ROBO1: variants seen among roughly 807,000 people sequenced by gnomAD.
The protein encoded by ROBO1 is roundabout homolog 1.
In ROBO1, 149 loss-of-function variants were observed where a neutral mutation model predicts 195.9. The observed-to-expected ratio is 0.76, with a 90% CI of 0.67 to 0.87. The LOEUF is 0.87. ROBO1 is among the 40% of genes least tolerant of loss of function. The pLI is 0.00. For missense variants in ROBO1, 1,933 were observed against 2,068.3 expected, an observed-to-expected ratio of 0.93 and a Z score of 1.27; for synonymous variants, 816 against 733.2, an observed-to-expected ratio of 1.11 and a Z score of -1.82.
intron 2 of ROBO1, among the ~76,000 whole-genome samples, chr3:79,466,988 C>T (rs542318502): frequency 6.6e-6 from 1 of 152,188 alleles, no homozygotes; most frequent in African/African-American, 2.4e-5. Context: ...TAAAAAAGAA[C>T]ACAAAATGAA....
intron 3 of ROBO1, among the ~76,000 whole-genome samples, chr3:78,964,839 T>C (rs374884209): frequency 1.3e-5 from 2 of 151,222 alleles, no homozygotes; most frequent in African/African-American, 4.9e-5. Context: ...CTGTGTTTCA[T>C]TTGAAACCTT....
At chr3:79,466,155 T>C (rs949122669) in intron 2 of ROBO1, among the ~76,000 whole-genome samples, 3 of 152,150 alleles carry the variant, frequency 2.0e-5, no homozygotes, top group Non-Finnish European at 2.9e-5. Context: ...GATATGAATG[T>C]ATATTTGACA....
At chr3:78,793,309 G>A (rs924842486) in intron 4 of ROBO1, among the ~76,000 whole-genome samples, 2 of 152,056 alleles carry the variant, frequency 1.3e-5, no homozygotes, top group Non-Finnish European at 2.9e-5. Context: ...AGAATGCATA[G>A]CAGAATCTCC....
chr3:78,898,589 C>G (rs2037398483), intron 4 of ROBO1, among the ~76,000 whole-genome samples: 1 of 151,450 alleles, frequency 6.6e-6, no homozygotes, highest in Admixed American at 6.6e-5. Context: ...CGGGGTTTCA[C>G]CGTGTTAGCC....
intron 1 of ROBO1, among the ~76,000 whole-genome samples, chr3:79,661,712 C>T (rs1240800420): frequency 4.6e-5 from 7 of 151,868 alleles, no homozygotes; most frequent in Admixed American, 4.6e-4. Flanking sequence ...AATATCCTAC[C>T]ATAAAATTGC....
At chr3:79,591,167 A>C (rs2107823422) in intron 1 of ROBO1, among the ~76,000 whole-genome samples, 1 of 151,942 alleles carries the variant, frequency 6.6e-6, no homozygotes, top group South Asian at 2.1e-4. Flanking sequence ...AGATAAACAA[A>C]CCTAGTACTA....
chr3:78,866,938 G>A (rs1294344878), intron 4 of ROBO1, among the ~76,000 whole-genome samples: 1 of 152,166 alleles, frequency 6.6e-6, no homozygotes, highest in Non-Finnish European at 1.5e-5. Context: ...GTTTTAGACT[G>A]TAATAGATCC....
intron 8 of ROBO1, among the ~76,000 whole-genome samples, chr3:78,711,361 TCCTTCCTTCCTTC>T (rs2081707491): frequency 9.9e-5 from 4 of 40,288 alleles, no homozygotes; most frequent in African/African-American, 3.9e-4. Context: ...CTTCCTTCCT[TCCTTCCTTCCTTC>T]CTTCCTTCCT....
rs142829358 is a variant in ROBO1 at position 79,715,324 on chromosome 3, C to G, written c.-51+52428G>C. 3.2e-4 allele frequency among the ~76,000 whole-genome samples: 48 copies of G among 152,134 alleles called. No homozygotes were observed. In the South Asian group the frequency reaches 4.6e-3, roughly 14 times the overall value. On this transcript the variant is annotated intron_variant, in intron 1 of 30. Coordinates refer to ENST00000464233, the MANE Select transcript of ROBO1 (RefSeq NM_002941.4). The stretch of plus-strand genomic sequence containing the variant: ...GAAATGTTTTTGTGAAAGGAAGAGC[C>G]AATCAATGCAGCAAACCTCATTGTT...
At chr3:78,966,030 C>T (rs1441373908) in intron 3 of ROBO1, among the ~76,000 whole-genome samples, 1 of 152,158 alleles carries the variant, frequency 6.6e-6, no homozygotes, top group Non-Finnish European at 1.5e-5. Flanking sequence ...CGGCATTAGC[C>T]CCTGAGCTCC....
At chr3:79,215,469 C>T (rs1206947729) in intron 2 of ROBO1, among the ~76,000 whole-genome samples, 1 of 152,126 alleles carries the variant, frequency 6.6e-6, no homozygotes, top group African/African-American at 2.4e-5. Flanking sequence ...TCCGACCCAA[C>T]AAACGATTTA....
At chr3:78,627,142 C>A (rs1704848414) in intron 26 of ROBO1, among the ~76,000 whole-genome samples, 179 bp downstream of exon 26, 1 of 152,134 alleles carries the variant, frequency 6.6e-6, no homozygotes, top group South Asian at 2.1e-4. Flanking sequence ...ATCAATTAAT[C>A]TAATGCAATG....
chr3:78,725,863 GA>G (rs1166658226), intron 5 of ROBO1, among the ~76,000 whole-genome samples: 1 of 151,958 alleles, frequency 6.6e-6, no homozygotes, highest in Non-Finnish European at 1.5e-5. Flanking sequence ...AACTTAAAAT[GA>G]ACTCCTTGTG....
intron 4 of ROBO1, among the ~76,000 whole-genome samples, chr3:78,890,827 T>G (rs747954343): frequency 6.6e-6 from 1 of 152,092 alleles, no homozygotes; most frequent in Non-Finnish European, 1.5e-5. Context: ...TATAGCACAA[T>G]CATAACTCAC....
intron 4 of ROBO1, among the ~76,000 whole-genome samples, chr3:78,781,261 C>T (rs1182046457): frequency 3.9e-5 from 6 of 152,172 alleles, no homozygotes. Context: ...ATTTATCACA[C>T]AATTTTCTCT....
intron 3 of ROBO1, among the ~76,000 whole-genome samples, chr3:79,069,930 T>G (rs772229758): frequency 2.6e-5 from 4 of 151,886 alleles, no homozygotes; most frequent in Non-Finnish European, 5.9e-5. Flanking sequence ...TTTCTTTCTT[T>G]TTTTCCCTCC....
chr3:79,077,247 T>C (rs2079189963), intron 3 of ROBO1, among the ~76,000 whole-genome samples: 1 of 151,928 alleles, frequency 6.6e-6, no homozygotes, highest in Admixed American at 6.6e-5. Flanking sequence ...TCTACTTCTA[T>C]GTATACAATA....
At chr3:79,166,785 T>G (rs970455522) in intron 2 of ROBO1, among the ~76,000 whole-genome samples, 9 of 152,102 alleles carry the variant, frequency 5.9e-5, no homozygotes, top group Admixed American at 2.6e-4. Context: ...GCCAGGATGG[T>G]CTCGATCTCC....
intron 3 of ROBO1, among the ~76,000 whole-genome samples, chr3:78,963,563 G>A (rs2041513476): frequency 8.6e-6 from 1 of 115,794 alleles, no homozygotes. Context: ...CTGTCGCCCA[G>A]GCTGGAGTGC....
Sources: gnomAD v4.1 joint callset for allele counts (sites outside exome capture counted in the v4.1 genomes callset) on GRCh38, gnomAD v4.1.1 for gene constraint, MANE v1.5 for transcripts, NCBI Gene and HGNC (gene_info 2026-07-23, HGNC 2026-07-21) for gene names.